KIF13A: variants seen among roughly 807,000 people sequenced by gnomAD.
KIF13A encodes kinesin-like protein KIF13A.
In KIF13A, 79 loss-of-function variants were observed where a neutral mutation model predicts 212.2. The ratio of observed to expected loss-of-function variants is 0.37; its 90% confidence interval spans 0.31 to 0.45. KIF13A has a LOEUF of 0.45. Among genes scored for constraint, KIF13A ranks in the 20% least tolerant of loss-of-function variants. The pLI is 1.00. For missense variants in KIF13A, 1,901 were observed against 2,209.0 expected, an observed-to-expected ratio of 0.86 and a Z score of 2.79; for synonymous variants, 789 against 808.6, an observed-to-expected ratio of 0.98 and a Z score of 0.41.
rs1042018343 is a variant in KIF13A at position 17,826,507 on chromosome 6, T to C, written c.1533-383A>G. ...GGGATGCAGTGAGCAAAATCCTGAC[T>C]GTGGGAACCTCTAGGATCAACAATG... On this transcript the variant is annotated intron_variant, in intron 14 of 38. Coordinates refer to ENST00000259711, the MANE Select transcript of KIF13A (RefSeq NM_022113.6). The surrounding 1 kb of genome is among the most constrained non-coding windows in gnomAD (Gnocchi z 4.7). 6.6e-6 allele frequency among the ~76,000 whole-genome samples: 1 copy of C among 152,122 alleles called. No individual in the cohort carries two copies. The highest frequency in any genetic ancestry group is 1.5e-5 in the Non-Finnish European group (1 of 68,030).
rs1266241345 is a variant in KIF13A, at chr6:17,918,314, C to T, written c.147-20134G>A. 1.3e-5 allele frequency among the ~76,000 whole-genome samples: 2 copies of T among 152,136 alleles called. No homozygotes were observed. The highest frequency in any genetic ancestry group is 2.9e-5 in the Non-Finnish European group (2 of 68,032). On this transcript the variant is annotated intron_variant, in intron 2 of 38. Coordinates refer to ENST00000259711, the MANE Select transcript of KIF13A (RefSeq NM_022113.6). The surrounding 1 kb of genome is among the most constrained non-coding windows in gnomAD (Gnocchi z 4.8). The stretch of plus-strand genomic sequence containing the variant: ...TACATACATGCATAAAAAATAGTCT[C>T]AGAACTGTAGACCAAAAGAATGTAA...
chr6:17,913,946 G>A (rs1774281259), intron 2 of KIF13A, among the ~76,000 whole-genome samples: 1 of 152,200 alleles, frequency 6.6e-6, no homozygotes, highest in South Asian at 2.1e-4. Context: ...GTCAACTGTT[G>A]CTGGATCCCA....
rs116255128 is a variant in KIF13A at position 17,959,608 on chromosome 6, G to C, written c.146+27446C>G. On this transcript the variant is annotated intron_variant, in intron 2 of 38. Transcript: ENST00000259711. The stretch of plus-strand genomic sequence containing the variant: ...TCAACACCTTCTGTATCAACAAGTA[G>C]AGAGTACTCCTCTTCAGGCAGAATT... 5.8e-3 allele frequency among the ~76,000 whole-genome samples: 881 copies of C among 152,298 alleles called. 6 individuals are homozygous for C. Among genetic ancestry groups the C allele is most frequent in the African/African-American group, 0.02 (830 of 41,572 alleles).
In KIF13A at chr6:17,799,187, CT is replaced by C; in HGVS notation, c.2790+78del. 1 of 968,034 alleles carries C rather than the reference CT, an allele frequency of 1.0e-6. No individual in the cohort carries two copies. The highest frequency in any genetic ancestry group is 1.4e-6 in the Non-Finnish European group (1 of 699,820). 60.0% of individuals were successfully genotyped at this position (968,034 alleles called of 1,614,324 possible). A position where few individuals can be genotyped will look rare whatever the true frequency, so the allele number is the denominator to read the frequency against. ...AAACATATTATACTTAAAACAAATG[CT>C]TGTGGGGACAACTGATTGTTGAACT... On this transcript the variant is annotated intron_variant, in intron 22 of 38. Coordinates refer to ENST00000259711, the MANE Select transcript of KIF13A (RefSeq NM_022113.6). The surrounding 1 kb of genome is among the most constrained non-coding windows in gnomAD (Gnocchi z 4.4).
At chr6:17,901,781 AGAAT>A (rs1773078390) in intron 2 of KIF13A, among the ~76,000 whole-genome samples, 2 of 152,234 alleles carry the variant, frequency 1.3e-5, no homozygotes, top group African/African-American at 4.8e-5. Flanking sequence ...AAATGAAATG[AGAAT>A]GAATAATATA....
chr6:17,876,085 C>T (rs1380325447), intron 3 of KIF13A, among the ~76,000 whole-genome samples: 1 of 152,156 alleles, frequency 6.6e-6, no homozygotes, highest in African/African-American at 2.4e-5. Context: ...TATTAACATG[C>T]CTTGGAACTA....
intron 23 of KIF13A, among the ~76,000 whole-genome samples, chr6:17,795,194 C>T (rs6905488): frequency 0.013 from 1,970 of 152,178 alleles, 46 homozygotes; most frequent in African/African-American, 0.044. Flanking sequence ...CAGAGTAATA[C>T]TTTATTTGTG....
chr6:17,983,730 C>T (rs1171901255), intron 2 of KIF13A, among the ~76,000 whole-genome samples: 1 of 152,052 alleles, frequency 6.6e-6, no homozygotes, highest in Non-Finnish European at 1.5e-5. Flanking sequence ...TCAAGAGATC[C>T]GCCCACCCTA....
downstream of KIF13A, chr6:17,760,710 A>G (rs1234181343): frequency 1.6e-5 from 12 of 730,698 alleles, no homozygotes; most frequent in Non-Finnish European, 2.8e-5. Context: ...GAGGTGGCCC[A>G]GGAAGTGCAC....
intron 3 of KIF13A, among the ~76,000 whole-genome samples, chr6:17,884,881 A>G (rs1771400791): frequency 6.6e-6 from 1 of 152,200 alleles, no homozygotes; most frequent in Non-Finnish European, 1.5e-5. Flanking sequence ...TAGGAACATT[A>G]GCTTGCCAAT....
intron 2 of KIF13A, among the ~76,000 whole-genome samples, chr6:17,923,417 G>A (rs532774373): frequency 2.6e-5 from 4 of 152,000 alleles, no homozygotes; most frequent in East Asian, 1.9e-4. Context: ...AATCAACTAC[G>A]GGAAGGTCAA....
At chr6:17,801,815 G>A (rs1284593469) in intron 20 of KIF13A, among the ~76,000 whole-genome samples, 2 of 152,128 alleles carry the variant, frequency 1.3e-5, no homozygotes, top group Non-Finnish European at 2.9e-5. Context: ...AATCCAGGAG[G>A]AACAGCATAT....
chr6:17,856,722 GTACTA>G lies in KIF13A; in HGVS notation c.221-605_221-601del, dbSNP rs1480692387. Among the ~76,000 whole-genome samples, 3 of 152,182 alleles carry G rather than the reference GTACTA, an allele frequency of 2.0e-5. No homozygotes were observed. The highest frequency in any genetic ancestry group is 4.4e-5 in the Non-Finnish European group (3 of 68,046). ...GCAGCTCTTGGGGGCATTGTGTCAT[GTACTA>G]TACTATGGCAGAGCGGGGCTGAAGA... On this transcript the variant is annotated intron_variant, in intron 4 of 38. Transcript: ENST00000259711. The surrounding 1 kb of genome is among the most constrained non-coding windows in gnomAD (Gnocchi z 4.5).
At chr6:17,880,890 G>A (rs1012400854) in intron 3 of KIF13A, among the ~76,000 whole-genome samples, 3 of 152,090 alleles carry the variant, frequency 2.0e-5, no homozygotes, top group Admixed American at 6.5e-5. Context: ...AAAGTGCTGA[G>A]CCACTGTACC....
In KIF13A at chr6:17,811,791, T is replaced by C. The variant is rs1763444922; in HGVS notation, c.2001-2861A>G. Among the ~76,000 whole-genome samples the C allele has an allele frequency of 6.6e-6, 1 of 152,126 alleles. No homozygotes were observed. The highest frequency in any genetic ancestry group is 6.5e-5 in the Admixed American group (1 of 15,268). ...TGAATGACATTCCCAAAATATCTCA[T>C]CTTTTTTTTTCTTCCTTCCTTCCTT... On this transcript the variant is annotated intron_variant, in intron 17 of 38. Coordinates refer to ENST00000259711, the MANE Select transcript of KIF13A (RefSeq NM_022113.6). The surrounding 1 kb of genome is among the most constrained non-coding windows in gnomAD (Gnocchi z 6.0).
rs1410195018 is a variant in KIF13A, at chr6:17,850,485, A to G, written c.583-28T>C. 2 of 1,593,148 alleles carry G rather than the reference A, an allele frequency of 1.3e-6. No individual in the cohort carries two copies. Among genetic ancestry groups the G allele is most frequent in the Non-Finnish European group, 1.7e-6 (2 of 1,169,162 alleles). On this transcript the variant is annotated intron_variant, in intron 7 of 38. Transcript: ENST00000259711. The surrounding 1 kb of genome is among the most constrained non-coding windows in gnomAD (Gnocchi z 6.2). ...AGGGGCAAAGCATAAGGAAAAGACC[A>G]TAAGCAAAAACACAAGAATGTAGTC...
intron 16 of KIF13A, 32 bp from the exon 17 acceptor site, chr6:17,817,265 T>C: frequency 1.3e-6 from 2 of 1,592,082 alleles, no homozygotes; most frequent in Non-Finnish European, 1.7e-6. Context: ...CAAGGTGTCT[T>C]AGTGGCGGCT....
rs1760046949 is a variant in KIF13A, at chr6:17,777,026, AATTT to A, written c.4170+247_4170+250del. Among the ~76,000 whole-genome samples, 1 of 152,120 alleles carries A rather than the reference AATTT, an allele frequency of 6.6e-6. No homozygotes were observed. The highest frequency in any genetic ancestry group is 6.6e-5 in the Admixed American group (1 of 15,256). ...CCACCATCTGTAACCAACTAAACTC[AATTT>A]ATATCTTAAGGAACTTCTTTCAAGG... On this transcript the variant is annotated intron_variant, in intron 34 of 38. Transcript: ENST00000259711. The surrounding 1 kb of genome is among the most constrained non-coding windows in gnomAD (Gnocchi z 4.4).
chr6:17,867,251 G>A (rs1314931623), intron 4 of KIF13A, among the ~76,000 whole-genome samples: 1 of 152,094 alleles, frequency 6.6e-6, no homozygotes, highest in Admixed American at 6.6e-5. Flanking sequence ...TGATAAAGGT[G>A]AGTCACCAAA....
Sources: allele counts gnomAD v4.1 joint callset (sites outside exome capture counted in the v4.1 genomes callset), GRCh38; gene constraint gnomAD v4.1.1; non-coding constraint Gnocchi (gnomAD v3.1); transcripts MANE v1.5; gene names NCBI Gene and HGNC (gene_info 2026-07-23, HGNC 2026-07-21).